The following LIX1 variants were observed in gnomAD, a reference collection of about 807,000 sequenced individuals.
The protein encoded by LIX1 is protein limb expression 1 homolog.
In LIX1, 24 loss-of-function variants were observed where a neutral mutation model predicts 33.4. The observed-to-expected ratio is 0.72, with a 90% CI of 0.52 to 1.01. The LOEUF (loss-of-function observed/expected upper bound fraction) is 1.01. LIX1 is among the 50% of genes least tolerant of loss of function. The pLI is 0.00. For synonymous variants in LIX1, 124 were observed against 124.0 expected (o/e 1.00, Z 0.00); for missense variants, 311 against 339.2 (o/e 0.92, Z 0.65).
At chr5:97,123,331 C>T (rs1747831337) in intron 2 of LIX1, among the ~76,000 whole-genome samples, 1 of 152,172 alleles carries the variant, frequency 6.6e-6, no homozygotes, top group Non-Finnish European at 1.5e-5. Flanking sequence ...GTACTTCATA[C>T]TTTCTTCGTC....
At chr5:97,122,664 C>T (rs1023602239) in intron 2 of LIX1, among the ~76,000 whole-genome samples, 1 of 152,014 alleles carries the variant, frequency 6.6e-6, no homozygotes, top group African/African-American at 2.4e-5. Flanking sequence ...TTTAGTTGTC[C>T]TTCCCAGCTT....
chr5:97,113,655 C>T (rs1160558378), intron 2 of LIX1, among the ~76,000 whole-genome samples: 5 of 152,176 alleles, frequency 3.3e-5, no homozygotes, highest in Admixed American at 1.3e-4. Flanking sequence ...TCTGGTCTGT[C>T]TGACTTGGGA....
intron 4 of LIX1, among the ~76,000 whole-genome samples, chr5:97,101,071 G>C (rs988422035): frequency 4.6e-5 from 7 of 151,864 alleles, no homozygotes; most frequent in African/African-American, 1.7e-4. Context: ...AAACAAGTTA[G>C]CCTCATAAGG....
chr5:97,130,876 G>A (rs566946301), intron 1 of LIX1, among the ~76,000 whole-genome samples: 1 of 152,302 alleles, frequency 6.6e-6, no homozygotes, highest in South Asian at 2.1e-4. Context: ...CTCTAACACG[G>A]TGATAGGCCC....
chr5:97,137,779 G>A (rs1176216728), intron 1 of LIX1, among the ~76,000 whole-genome samples: 1 of 152,082 alleles, frequency 6.6e-6, no homozygotes, highest in Admixed American at 6.6e-5. Context: ...AATGCAATAT[G>A]TATAGGGATT....
intron 3 of LIX1, among the ~76,000 whole-genome samples, chr5:97,106,988 C>T (rs6556948): frequency 0.011 from 1,686 of 152,188 alleles, 25 homozygotes; most frequent in African/African-American, 0.039. Flanking sequence ...CTTTCAAGTT[C>T]GGGGAAAATG....
At chr5:97,097,083 T>G (rs971247534) in intron 4 of LIX1, among the ~76,000 whole-genome samples, 196 bp from the exon 5 acceptor site, 2 of 152,232 alleles carry the variant, frequency 1.3e-5, no homozygotes, top group Non-Finnish European at 2.9e-5. Flanking sequence ...GCTATATCCA[T>G]AGCATTACAT....
chr5:97,107,042 G>A (rs746995165), intron 3 of LIX1, among the ~76,000 whole-genome samples: 21 of 152,008 alleles, frequency 1.4e-4, no homozygotes, highest in East Asian at 5.8e-4. Flanking sequence ...CACTGTATGC[G>A]TTCTCAGGCC....
rs186251873 is a variant in LIX1, at chr5:97,130,108, A to T, written c.83-5479T>A. ...TTAAAGCAATGGTGTAAATACCCACAGACTGGCTCAGGAGGGGCTGTGACT... is the reference window on the plus strand; with the variant it reads ...TTAAAGCAATGGTGTAAATACCCACTGACTGGCTCAGGAGGGGCTGTGACT... On this transcript the variant is annotated intron_variant, in intron 1 of 5. Transcript: ENST00000274382. 1.4e-3 allele frequency among the ~76,000 whole-genome samples: 211 copies of T among 152,350 alleles called. 2 individuals carry two copies. The highest frequency in any genetic ancestry group is 0.014 in the Middle Eastern group (4 of 294).
chr5:97,142,403 A>G, intron 1 of LIX1, 92 bp downstream of exon 1: 2 of 861,934 alleles, frequency 2.3e-6, no homozygotes, highest in Non-Finnish European at 3.8e-6. Context: ...GACTGCAGAG[A>G]TTTAGGAGAA....
intron 3 of LIX1, among the ~76,000 whole-genome samples, chr5:97,106,744 G>A (rs1014520088): frequency 3.9e-5 from 6 of 152,138 alleles, no homozygotes; most frequent in African/African-American, 1.2e-4. Flanking sequence ...TTAAGACAGG[G>A]TGTTTTGCTC....
At position 97,128,249 on chromosome 5, in the gene LIX1, A is replaced by G. The variant is rs187154448; in HGVS notation, c.83-3620T>C. On this transcript the variant is annotated intron_variant, in intron 1 of 5. Coordinates refer to ENST00000274382, the MANE Select transcript of LIX1 (RefSeq NM_153234.5). ...CACTGAAATTACTACAAATGTACCA[A>G]TTCCTGGTTTTCAGTCCTTATTTAC... Among the ~76,000 whole-genome samples, 15 of 152,286 alleles carry G rather than the reference A, an allele frequency of 9.8e-5. No homozygotes were observed. In the East Asian group the frequency reaches 1.9e-3, roughly 20 times the overall value.
rs187075940 is a variant in LIX1, at chr5:97,093,457, T to A, written c.*1291A>T. The A allele has an allele frequency of 6.6e-6, 1 of 152,298 alleles. No homozygotes were observed. Among genetic ancestry groups the A allele is most frequent in the East Asian group, 1.9e-4 (1 of 5,318 alleles). 9.4% of individuals were successfully genotyped at this position (152,298 alleles called of 1,614,324 possible). ...GCATTTAAAATTGACATTGCTGACA[T>A]TCTTAAATTTGAGTGACCAGGAACT... On this transcript the variant is annotated 3_prime_UTR_variant, in exon 6 of 6. Transcript: ENST00000274382.
intron 4 of LIX1, among the ~76,000 whole-genome samples, chr5:97,099,231 T>A (rs1746551743): frequency 1.3e-5 from 2 of 152,174 alleles, no homozygotes; most frequent in Non-Finnish European, 2.9e-5. Context: ...GTGGGAGTGC[T>A]TTGTTCGAGA....
At chr5:97,108,434 G>A (rs536140669) in intron 2 of LIX1, among the ~76,000 whole-genome samples, 6 of 152,048 alleles carry the variant, frequency 3.9e-5, no homozygotes, top group Non-Finnish European at 7.3e-5. Context: ...GGATCTGGTC[G>A]ATGCATCCTG....
intron 2 of LIX1, among the ~76,000 whole-genome samples, chr5:97,113,585 G>A (rs1198814599): frequency 1.3e-5 from 2 of 152,092 alleles, no homozygotes; most frequent in Admixed American, 6.5e-5. Context: ...GGCCTAAAGA[G>A]GTTATACATC....
intron 3 of LIX1, 134 bp downstream of exon 3, chr5:97,107,226 A>C: frequency 1.2e-6 from 1 of 852,358 alleles, no homozygotes; most frequent in South Asian, 2.0e-5. Context: ...TCTGAAAATT[A>C]ACAATTCAGT....
chr5:97,094,640 C>T lies in LIX1; in HGVS notation c.*108G>A. ...GAATGTGTGGAGAGGGTTAGGAGAGCCTTCAGGTAGTACTAGAGATGCTGG... is the reference window on the plus strand; with the variant it reads ...GAATGTGTGGAGAGGGTTAGGAGAGTCTTCAGGTAGTACTAGAGATGCTGG... On this transcript the variant is annotated 3_prime_UTR_variant, in exon 6 of 6. Coordinates refer to ENST00000274382, the MANE Select transcript of LIX1 (RefSeq NM_153234.5). 2.0e-6 allele frequency: 2 copies of T among 1,011,920 alleles called. No individual in the cohort carries two copies. Among genetic ancestry groups the T allele is most frequent in the Non-Finnish European group, 2.9e-6 (2 of 684,266 alleles). The allele number at this position is 1,011,920 out of a possible 1,614,324, so 62.7% of individuals were successfully genotyped here.
intron 5 of LIX1, among the ~76,000 whole-genome samples, chr5:97,096,589 T>C (rs1746386500): frequency 6.6e-6 from 1 of 152,246 alleles, no homozygotes. Context: ...TACAGGTATC[T>C]AAATCAGTCC....
Sources: allele counts gnomAD v4.1 joint callset (sites outside exome capture counted in the v4.1 genomes callset), GRCh38; gene constraint gnomAD v4.1.1; transcripts MANE v1.5; gene names NCBI Gene and HGNC (gene_info 2026-07-23, HGNC 2026-07-21).